Variants in CHRD observed in about 807,000 individuals in gnomAD.
CHRD encodes chordin.
CHRD carries 69 observed loss-of-function variants against 113.7 expected under a neutral mutation model. The ratio of observed to expected loss-of-function variants is 0.61; its 90% CI spans 0.50 to 0.74. The LOEUF (loss-of-function observed/expected upper bound fraction) is 0.74. Among genes scored for constraint, CHRD ranks in the 30% least tolerant of loss-of-function variants. The pLI, the probability that CHRD is intolerant of heterozygous loss-of-function variation, is 0.00. For missense variants in CHRD, 1,194 were observed against 1,295.8 expected, an observed-to-expected ratio of 0.92 and a Z score of 1.21; for synonymous variants, 561 against 540.8, an observed-to-expected ratio of 1.04 and a Z score of -0.52.
chr3:184,381,265 G>A lies in CHRD; in HGVS notation c.283G>A (p.Gly95Ser). The change falls in exon 3 of 23, where the codon GGC becomes AGC. Residue 95 changes from glycine to serine, a missense_variant. Transcript: ENST00000204604. This position sits in a 1 kb window ranked among gnomAD's most constrained non-coding sequence, Gnocchi z 4.7. The stretch of plus-strand genomic sequence containing the variant: ...GTGGGGTCGCCGTACCAGGGGCCCT[G>A]GCAGGGTCAGCTGCAAGAACATCAA... 6.2e-7 allele frequency: 1 copy of A among 1,613,388 alleles called. No homozygotes were observed. The highest frequency in any genetic ancestry group is 8.5e-7 in the Non-Finnish European group (1 of 1,179,970).
chr3:184,384,821 A>T lies in CHRD; in HGVS notation c.1597+128A>T. The T allele has an allele frequency of 7.5e-7, 1 of 1,335,786 alleles. No individual in the cohort carries two copies. The highest frequency in any genetic ancestry group is 1.0e-6 in the Non-Finnish European group (1 of 990,610). The allele number at this position is 1,335,786 out of a possible 1,614,324, so 82.7% of individuals were successfully genotyped here. A position where few individuals can be genotyped will look rare whatever the true frequency, so the allele number is the denominator to read the frequency against. On this transcript the variant is annotated intron_variant, in intron 13 of 22. Transcript: ENST00000204604. This position sits in a 1 kb window ranked among gnomAD's most constrained non-coding sequence, Gnocchi z 4.4. ...CCGGTTGCCATCTGAAGGTGGGGAC[A>T]TATAGGGTGGCCCTGCTGGCGGACT...
intron 11 of CHRD, 40 bp downstream of exon 11, chr3:184,383,458 G>T (rs201617645): frequency 1.2e-5 from 20 of 1,612,488 alleles, no homozygotes; most frequent in Admixed American, 1.7e-5. Flanking sequence ...GAGGGGTGGC[G>T]TGGGCAGCAG....
Position 184,384,412 on chromosome 3 carries a change from T to C in CHRD, c.1441-125T>C. On this transcript the variant is annotated intron_variant, in intron 12 of 22. Transcript: ENST00000204604. The surrounding 1 kb of genome is among the most constrained non-coding windows in gnomAD (Gnocchi z 4.4). ...GGGCCTTGAAACTGGGCCTGCCAGG[T>C]CCTTATCCTGTGTTTCTGGTGTGTG... 1.7e-6 allele frequency: 2 copies of C among 1,167,188 alleles called. No homozygotes were observed. The highest frequency in any genetic ancestry group is 6.2e-5 in the South Asian group (2 of 32,314). 72.3% of individuals were successfully genotyped at this position (1,167,188 alleles called of 1,614,324 possible).
chr3:184,383,426 C>T lies in CHRD; in HGVS notation c.1320+8C>T, dbSNP rs773478686. 1.2e-6 allele frequency: 2 copies of T among 1,613,480 alleles called. No homozygotes were observed. Among genetic ancestry groups the T allele is most frequent in the Non-Finnish European group, 1.7e-6 (2 of 1,179,614 alleles). ...GGCTCCCTGATCTATCAGGTAAGAG[C>T]CAGGGGCTGCAGAAGGTGGGGGAGG... On this transcript the variant is annotated splice_region_variant and intron_variant, in intron 11 of 22. Transcript: ENST00000204604.
At chr3:184,383,816 C>T (rs1715858431) in intron 12 of CHRD, among the ~76,000 whole-genome samples, 174 bp downstream of exon 12, 2 of 134,030 alleles carry the variant, frequency 1.5e-5, no homozygotes, top group Non-Finnish European at 3.1e-5. Context: ...CTGGCTCTGT[C>T]ACCAGGCTGG....
chr3:184,389,050 G>T, intron 22 of CHRD, 55 bp downstream of exon 22: 1 of 1,254,482 alleles, frequency 8.0e-7, no homozygotes. Context: ...ACCTGCCTGT[G>T]GGACTCCTGA....
At chr3:184,385,970 C>G (rs1184557644) in intron 14 of CHRD, 76 bp from the exon 15 acceptor site, 2 of 1,458,544 alleles carry the variant, frequency 1.4e-6, no homozygotes, top group African/African-American at 2.8e-5. Flanking sequence ...CTCTCAGTTT[C>G]TTCATCTGTG....
Position 184,384,555 on chromosome 3 carries a change from G to C in CHRD, c.1459G>C (p.Gly487Arg). The change falls in exon 13 of 23, where the codon GGG becomes CGG. Residue 487 changes from glycine to arginine, a missense_variant. Transcript: ENST00000204604. The surrounding 1 kb of genome is among the most constrained non-coding windows in gnomAD (Gnocchi z 4.4). ...CCCCCAGGCCGTGGGTATCTGCCCTGGGCTGGGTGCCCGAGGGGCTCATAT... is the reference window on the plus strand; with the variant it reads ...CCCCCAGGCCGTGGGTATCTGCCCTCGGCTGGGTGCCCGAGGGGCTCATAT... 1.3e-6 allele frequency: 2 copies of C among 1,580,364 alleles called. No homozygotes were observed. Among genetic ancestry groups the C allele is most frequent in the Non-Finnish European group, 1.7e-6 (2 of 1,163,832 alleles).
exon 16 of CHRD, chr3:184,386,695 C>A: frequency 6.2e-7 from 1 of 1,612,496 alleles, no homozygotes; most frequent in Non-Finnish European, 8.5e-7. Flanking sequence ...GGCAGCAGCG[C>A]CCCCACGGGG....
chr3:184,386,818 C>G (rs757846329), intron 16 of CHRD, 27 bp from the exon 17 acceptor site: 11 of 1,613,876 alleles, frequency 6.8e-6, no homozygotes, highest in Non-Finnish European at 9.3e-6. Context: ...TGGACACTCC[C>G]GTCAATGCCT....
At chr3:184,382,459 C>A (rs1577388124) in exon 7 of CHRD, 4 of 1,613,994 alleles carry the variant, frequency 2.5e-6, no homozygotes, top group African/African-American at 2.7e-5. Context: ...CTGCATGTGG[C>A]ACTTGTGACA....
intron 15 of CHRD, 65 bp downstream of exon 15, chr3:184,386,224 C>T: frequency 6.6e-7 from 1 of 1,507,192 alleles, no homozygotes; most frequent in Middle Eastern, 2.0e-4. Context: ...GCACTGTGTG[C>T]CATTGCACTA....
At position 184,381,492 on chromosome 3, in the gene CHRD, G is replaced by A. The variant is rs1223316323; in HGVS notation, c.383-4G>A. ...AGCCCGTGTTCTTACCCCCCCGCCC[G>A]CAGAGCGCAGCAGTTCGGAGCGGCA... On this transcript the variant is annotated splice_polypyrimidine_tract_variant and splice_region_variant and intron_variant, in intron 3 of 22. Transcript: ENST00000204604. The surrounding 1 kb of genome is among the most constrained non-coding windows in gnomAD (Gnocchi z 4.7). 2.5e-6 allele frequency: 4 copies of A among 1,587,044 alleles called. No homozygotes were observed. In the South Asian group the frequency reaches 4.5e-5, roughly 18 times the overall value.
chr3:184,380,187 G>GA lies in CHRD; in HGVS notation c.-132_-131insA. On this transcript the variant is annotated 5_prime_UTR_variant, in exon 1 of 23. Coordinates refer to ENST00000204604, the Ensembl canonical transcript of CHRD. This position sits in a 1 kb window ranked among gnomAD's most constrained non-coding sequence, Gnocchi z 6.3. Reference sequence around the variant, plus strand: ...CCCCTCGCGGCACTGCCCCGGCCCCGGCCCCGGCCCCGGCCCCCTCCCGCC... The same window carrying GA: ...CCCCTCGCGGCACTGCCCCGGCCCCGAGCCCCGGCCCCGGCCCCCTCCCGCC... The GA allele has an allele frequency of 7.8e-6, 1 of 127,520 alleles. No individual in the cohort carries two copies. Among genetic ancestry groups the GA allele is most frequent in the Non-Finnish European group, 1.4e-5 (1 of 73,310 alleles). The allele number at this position is 127,520 out of a possible 1,614,324, so 7.9% of individuals were successfully genotyped here.
At position 184,388,236 on chromosome 3, in the gene CHRD, CG is replaced by C. The variant is rs1716630601; in HGVS notation, c.2554+204del. ...GGTTCTGGTTCCTGCTCCATCCATC[CG>C]TCCATCCATCCATCCATCCATCCAT... On this transcript the variant is annotated intron_variant, in intron 20 of 22. Coordinates refer to ENST00000204604, the Ensembl canonical transcript of CHRD. The surrounding 1 kb of genome is among the most constrained non-coding windows in gnomAD (Gnocchi z 6.1). Among the ~76,000 whole-genome samples, 1 of 136,078 alleles carries C rather than the reference CG, an allele frequency of 7.3e-6. No homozygotes were observed. Among genetic ancestry groups the C allele is most frequent in the Non-Finnish European group, 1.6e-5 (1 of 63,646 alleles). 89.3% of individuals were successfully genotyped at this position (136,078 alleles called of 152,430 possible).
chr3:184,383,571 A>T, exon 12 of CHRD: 1 of 1,613,984 alleles, frequency 6.2e-7, no homozygotes, highest in South Asian at 1.1e-5. Flanking sequence ...GACACTGGAG[A>T]CCAAGCCTCA....
rs372080721 is a variant in CHRD, at chr3:184,387,007, G to A, written c.2291-44G>A. The A allele has an allele frequency of 3.7e-6, 6 of 1,613,870 alleles. No homozygotes were observed. Among genetic ancestry groups the A allele is most frequent in the South Asian group, 2.2e-5 (2 of 91,068 alleles). On this transcript the variant is annotated intron_variant, in intron 17 of 22. Coordinates refer to ENST00000204604, the Ensembl canonical transcript of CHRD. The surrounding 1 kb of genome is among the most constrained non-coding windows in gnomAD (Gnocchi z 6.1). Reference sequence around the variant, plus strand: ...CGGACAGGTCCTTTGGGGAGGGAATGAGGGTGGTCACTCTCTGCTTTCACC... The same window carrying A: ...CGGACAGGTCCTTTGGGGAGGGAATAAGGGTGGTCACTCTCTGCTTTCACC...
rs1333495974 is a variant in CHRD, at chr3:184,384,957, G to T, written c.1598-61G>T. 4 of 1,536,318 alleles carry T rather than the reference G, an allele frequency of 2.6e-6. No homozygotes were observed. The highest frequency in any genetic ancestry group is 1.1e-5 in the South Asian group (1 of 88,406). ...GTGTGCTGGGGAGCTGGGAATGCTG[G>T]GTTTGAGGGCTTGCCCTAGGCCACC... On this transcript the variant is annotated intron_variant, in intron 13 of 22. Transcript: ENST00000204604. The surrounding 1 kb of genome is among the most constrained non-coding windows in gnomAD (Gnocchi z 4.4).
Position 184,383,493 on chromosome 3 carries a change from A to G in CHRD, c.1321-30A>G, listed in dbSNP as rs749399165. On this transcript the variant is annotated intron_variant, in intron 11 of 22. Coordinates refer to ENST00000204604, the Ensembl canonical transcript of CHRD. ...GGCCCCAGGCCTTTACTGCCTCTCC[A>G]CTTTGCCCTCCTCCATCCCTGCCCA... The G allele has an allele frequency of 1.4e-5, 22 of 1,613,588 alleles. No individual in the cohort carries two copies. In the East Asian group the frequency reaches 4.7e-4, roughly 34 times the overall value.
Sources: allele counts gnomAD v4.1 joint callset (sites outside exome capture counted in the v4.1 genomes callset), GRCh38; gene constraint gnomAD v4.1.1; non-coding constraint Gnocchi (gnomAD v3.1); transcripts MANE v1.5; gene names NCBI Gene and HGNC (gene_info 2026-07-23, HGNC 2026-07-21).